The following SLC6A19 variants were observed in gnomAD, a reference collection of about 807,000 sequenced individuals.
The protein encoded by SLC6A19 is solute carrier family 6 member 19, also known as sodium-dependent neutral amino acid transporter B(0)AT1.
A neutral mutation model predicts 68.3 loss-of-function variants in SLC6A19; 67 were observed. That is an observed-to-expected ratio of 0.98 (90% confidence interval 0.81 to 1.20). The LOEUF (loss-of-function observed/expected upper bound fraction) is 1.20, where lower values mean the gene tolerates loss of function less well. SLC6A19 is among the 50% of genes most tolerant of loss of function. SLC6A19 has a pLI of 0.00. For missense variants in SLC6A19, 813 were observed against 851.6 expected (o/e 0.95, Z 0.56); for synonymous variants, 392 against 374.9 (o/e 1.05, Z -0.53).
In SLC6A19 at chr5:1,214,388, C is replaced by A. The variant is rs568308721; in HGVS notation, c.887+323C>A. Among the ~76,000 whole-genome samples the A allele has an allele frequency of 2.9e-4, 44 of 152,132 alleles. 1 individual carries two copies. The highest frequency in any genetic ancestry group is 1.0e-3 in the African/African-American group (43 of 41,420). On this transcript the variant is annotated intron_variant, in intron 6 of 11. Coordinates refer to ENST00000304460, the MANE Select transcript of SLC6A19 (RefSeq NM_001003841.3). The surrounding 1 kb of genome is among the most constrained non-coding windows in gnomAD (Gnocchi z 7.4). ...CCACACCCACATCGCTCCCAGCCCA[C>A]CCCTGGGCATCCCAGGCCCCCAGAC... is the stretch of plus-strand genomic sequence containing the variant.
rs756010661 is a variant in SLC6A19, at chr5:1,221,314, G to A, written c.1701+1G>A. 3.9e-5 allele frequency: 63 copies of A among 1,613,244 alleles called. No homozygotes were observed. The highest frequency in any genetic ancestry group is 4.5e-5 in the Non-Finnish European group (53 of 1,180,010). Reference sequence around the variant, plus strand: ...CTACAGCATCTGGGACCCTGGCTACGTAAGTGTCCAGGCAGTCGCCTGGGG... The same window carrying A: ...CTACAGCATCTGGGACCCTGGCTACATAAGTGTCCAGGCAGTCGCCTGGGG... On this transcript the variant is annotated splice_donor_variant, in intron 11 of 11. Transcript: ENST00000304460. LOFTEE classifies it high-confidence loss of function.
chr5:1,205,253 A>AC (rs1386578626), intron 1 of SLC6A19, among the ~76,000 whole-genome samples: 2 of 151,880 alleles, frequency 1.3e-5, no homozygotes, highest in Admixed American at 6.6e-5. Flanking sequence ...TCTGCACCTC[A>AC]CCCCACACTA....
chr5:1,206,717 T>G (rs1337960504), intron 1 of SLC6A19, among the ~76,000 whole-genome samples: 1 of 152,004 alleles, frequency 6.6e-6, no homozygotes, highest in Non-Finnish European at 1.5e-5. Context: ...GCGTCCCTCC[T>G]GAGAGGCCCC....
Position 1,201,832 on chromosome 5 carries a change from T to A in SLC6A19, c.182T>A (p.Leu61Gln), listed in dbSNP as rs759680322. The change falls in exon 1 of 12, where the codon CTG (leucine) becomes CAG (glutamine). Residue 61 changes from leucine to glutamine, a missense_variant. Physicochemically the swap from Leu to Gln is moderately radical, Grantham distance 113. Coordinates refer to ENST00000304460, the MANE Select transcript of SLC6A19 (RefSeq NM_001003841.3). ...GLGNVWRFPYLCQSHGGGAFM... is the reference protein window; with the variant it reads ...GLGNVWRFPYQCQSHGGGAFM... ...GGCAACGTGTGGCGCTTCCCCTACC[T>A]GTGTCAGAGCCACGGAGGAGGTAGG... The A allele has an allele frequency of 6.2e-7, 1 of 1,611,456 alleles. No homozygotes were observed. The highest frequency in any genetic ancestry group is 8.5e-7 in the Non-Finnish European group (1 of 1,179,748).
Position 1,221,752 on chromosome 5 carries a change from G to A in SLC6A19, c.1753G>A (p.Val585Met). 4 of 1,614,114 alleles carry A rather than the reference G, an allele frequency of 2.5e-6. No individual in the cohort carries two copies. Among genetic ancestry groups the A allele is most frequent in the Non-Finnish European group, 3.4e-6 (4 of 1,179,960 alleles). Residue 585 changes from valine (V) to methionine (M), a missense_variant, in exon 12 of 12, where the codon GTG becomes ATG. Coordinates refer to ENST00000304460, the MANE Select transcript of SLC6A19 (RefSeq NM_001003841.3). The stretch of plus-strand genomic sequence containing the variant: ...CTCCTACCCGAACTGGGTGTATGTG[G>A]TGGTGGTGATTGTGGCTGGAGTGCC... ...KISYPNWVYV[V>M]VVIVAGVPSL...
rs199832718 is a variant in SLC6A19, at chr5:1,221,689, C to T, written c.1702-12C>T. ...CCGGGATGCCTACTCACCCATGGGGCTCTCTCCCCAGGAGGAATTTCCCAA... is the reference window on the plus strand; with the variant it reads ...CCGGGATGCCTACTCACCCATGGGGTTCTCTCCCCAGGAGGAATTTCCCAA... On this transcript the variant is annotated splice_polypyrimidine_tract_variant and intron_variant, in intron 11 of 11. Coordinates refer to ENST00000304460, the MANE Select transcript of SLC6A19 (RefSeq NM_001003841.3). 1.2e-6 allele frequency: 2 copies of T among 1,613,760 alleles called. No individual in the cohort carries two copies. Among genetic ancestry groups the T allele is most frequent in the East Asian group, 4.5e-5 (2 of 44,880 alleles).
chr5:1,214,308 C>G lies in SLC6A19; in HGVS notation c.887+243C>G, dbSNP rs147141288. Among the ~76,000 whole-genome samples, 5 of 152,088 alleles carry G rather than the reference C, an allele frequency of 3.3e-5. No individual in the cohort carries two copies. Among genetic ancestry groups the G allele is most frequent in the Non-Finnish European group, 5.9e-5 (4 of 67,996 alleles). ...GGGCGCCTGCAGCTTTCCCCACACC[C>G]GTCCCTCCACGAGCCTGGTGCAGAC... On this transcript the variant is annotated intron_variant, in intron 6 of 11. Transcript: ENST00000304460. This position sits in a 1 kb window ranked among gnomAD's most constrained non-coding sequence, Gnocchi z 7.4.
chr5:1,204,680 A>G (rs1186349160), intron 1 of SLC6A19, among the ~76,000 whole-genome samples: 1 of 150,504 alleles, frequency 6.6e-6, no homozygotes, highest in Non-Finnish European at 1.5e-5. Flanking sequence ...CTGCCCCCCC[A>G]GCTCCTCTGC....
chr5:1,212,503 C>T lies in SLC6A19; in HGVS notation c.663+19C>T. The T allele has an allele frequency of 5.0e-6, 8 of 1,603,678 alleles. No homozygotes were observed. Among genetic ancestry groups the T allele is most frequent in the Non-Finnish European group, 5.9e-6 (7 of 1,179,680 alleles). ...CGGGAAGGTACTGCATGGGCCCGGC[C>T]AGGCTGCAGGTGCTCCAGAGGGCGG... On this transcript the variant is annotated intron_variant, in intron 4 of 11. Transcript: ENST00000304460. The surrounding 1 kb of genome is among the most constrained non-coding windows in gnomAD (Gnocchi z 5.1).
chr5:1,209,431 G>C lies in SLC6A19; in HGVS notation c.343+545G>C, dbSNP rs1420239389. ...CAGGGTCCACTCCAGAGAGGAGTCT[G>C]AGTCCAGGAAGCACCTGCCCTTCGG... On this transcript the variant is annotated intron_variant, in intron 2 of 11. Coordinates refer to ENST00000304460, the MANE Select transcript of SLC6A19 (RefSeq NM_001003841.3). This position sits in a 1 kb window ranked among gnomAD's most constrained non-coding sequence, Gnocchi z 5.5. Among the ~76,000 whole-genome samples the C allele has an allele frequency of 6.6e-6, 1 of 152,140 alleles. No homozygotes were observed. Among genetic ancestry groups the C allele is most frequent in the Non-Finnish European group, 1.5e-5 (1 of 68,008 alleles).
chr5:1,211,107 C>T (rs995283733), intron 3 of SLC6A19, among the ~76,000 whole-genome samples: 14 of 152,190 alleles, frequency 9.2e-5, no homozygotes, highest in Non-Finnish European at 1.6e-4. Flanking sequence ...GGGGCCTGAA[C>T]GGCTTGGTCA....
In SLC6A19 at chr5:1,212,251, T is replaced by A; in HGVS notation, c.482-52T>A. On this transcript the variant is annotated intron_variant, in intron 3 of 11. Coordinates refer to ENST00000304460, the MANE Select transcript of SLC6A19 (RefSeq NM_001003841.3). The surrounding 1 kb of genome is among the most constrained non-coding windows in gnomAD (Gnocchi z 5.1). ...TCTTCCAGCTCAGGGCCTTCCATTC[T>A]CCTCCCTTGGGGGACCCGTACCCTG... 6.2e-7 allele frequency: 1 copy of A among 1,607,966 alleles called. No homozygotes were observed. The highest frequency in any genetic ancestry group is 8.5e-7 in the Non-Finnish European group (1 of 1,178,904).
rs573811215 is a variant in SLC6A19, at chr5:1,222,998, C to T, written c.*1094C>T. 1 of 152,404 alleles carries T rather than the reference C, an allele frequency of 6.6e-6. No homozygotes were observed. Among genetic ancestry groups the T allele is most frequent in the East Asian group, 1.9e-4 (1 of 5,184 alleles). 9.4% of individuals were successfully genotyped at this position (152,404 alleles called of 1,614,324 possible). On this transcript the variant is annotated 3_prime_UTR_variant, in exon 12 of 12. Transcript: ENST00000304460. Reference sequence around the variant, plus strand: ...TCTTGCTACCCACCCCCACCCATCCCCTTCCCCTTGGTGTTGACCTTTGAC... The same window carrying T: ...TCTTGCTACCCACCCCCACCCATCCTCTTCCCCTTGGTGTTGACCTTTGAC...
chr5:1,202,211 G>A (rs540542107), intron 1 of SLC6A19, among the ~76,000 whole-genome samples: 60 of 152,328 alleles, frequency 3.9e-4, no homozygotes, highest in African/African-American at 1.4e-3. Context: ...GGGCCCTCCT[G>A]GGCATCACCT....
chr5:1,202,436 C>T (rs149913428), intron 1 of SLC6A19, among the ~76,000 whole-genome samples: 1,801 of 152,318 alleles, frequency 0.012, 22 homozygotes, highest in South Asian at 0.033. Context: ...CTGGCTCCTG[C>T]GGCCCAGGTA....
chr5:1,207,760 C>G (rs527690118), intron 1 of SLC6A19, among the ~76,000 whole-genome samples: 8 of 152,246 alleles, frequency 5.3e-5, no homozygotes, highest in Non-Finnish European at 8.8e-5. Flanking sequence ...TCACCTGTCT[C>G]CTGGCTGTCA....
intron 9 of SLC6A19, 40 bp downstream of exon 9, chr5:1,219,147 C>T (rs1261772449): frequency 1.1e-5 from 18 of 1,571,860 alleles, no homozygotes; most frequent in Non-Finnish European, 1.6e-5. Flanking sequence ...GGCAATGGTG[C>T]CACCTGTGGG....
At chr5:1,208,292 T>C (rs6420010) in intron 1 of SLC6A19, among the ~76,000 whole-genome samples, 54,741 of 151,970 alleles carry the variant, frequency 0.36, 10,261 homozygotes, top group Middle Eastern at 0.48. Context: ...AGGAGGGACG[T>C]GGCAGGTGCA....
In SLC6A19 at chr5:1,224,453, G is replaced by C. The variant is rs1007941741; in HGVS notation, c.*2549G>C. The C allele has an allele frequency of 6.6e-6, 1 of 152,310 alleles. No homozygotes were observed. Among genetic ancestry groups the C allele is most frequent in the African/African-American group, 2.4e-5 (1 of 41,478 alleles). The allele number at this position is 152,310 out of a possible 1,614,324, so 9.4% of individuals were successfully genotyped here. On this transcript the variant is annotated 3_prime_UTR_variant, in exon 12 of 12. Coordinates refer to ENST00000304460, the MANE Select transcript of SLC6A19 (RefSeq NM_001003841.3). ...CCAGTGACCTCAGACGGGATGGTGG[G>C]GACGGCAGGTCCAGCTCCTGCCTCC...
Sources: gnomAD v4.1 joint callset for allele counts (sites outside exome capture counted in the v4.1 genomes callset) on GRCh38, gnomAD v4.1.1 for gene constraint, Gnocchi (gnomAD v3.1) non-coding constraint, MANE v1.5 for transcripts, NCBI Gene and HGNC (gene_info 2026-07-23, HGNC 2026-07-21) for gene names.